Variants in TRPV4 observed in about 807,000 individuals in gnomAD.
The protein encoded by TRPV4 is OSM9-like transient receptor potential channel 4.
In TRPV4, 58 loss-of-function variants were observed where a neutral mutation model predicts 84.1. That is an observed-to-expected ratio of 0.69 (90% CI 0.56 to 0.86). The LOEUF (loss-of-function observed/expected upper bound fraction) is 0.86. TRPV4 is among the 40% of genes least tolerant of loss of function. The pLI is 0.00. For synonymous variants in TRPV4, 489 were observed against 500.9 expected, an observed-to-expected ratio of 0.98 and a Z score of 0.32; for missense variants, 879 against 1,181.1, an observed-to-expected ratio of 0.74 and a Z score of 3.75.
At chr12:109,797,412 C>T (rs1050249537) in intron 6 of TRPV4, among the ~76,000 whole-genome samples, 1 of 152,100 alleles carries the variant, frequency 6.6e-6, no homozygotes, top group African/African-American at 2.4e-5. Flanking sequence ...CCTCGGCCTC[C>T]CAAAGTGCTG....
chr12:109,814,615 C>T lies in TRPV4; in HGVS notation c.182G>A (p.Gly61Asp). The change falls in exon 2 of 16, where the codon GGC (glycine) becomes GAC (aspartate). Residue 61 changes from glycine to aspartate, a missense_variant. Coordinates refer to ENST00000261740, the MANE Select transcript of TRPV4 (RefSeq NM_021625.5). This position sits in a 1 kb window ranked among gnomAD's most constrained non-coding sequence, Gnocchi z 5.4. ...PADASRPAGP[G>D]DGRPNLRMKF... ...CATGCGCAGATTTGGTCGCCCATCG[C>T]CTGGGCCAGCAGGGCGACTGGCATC... 6.2e-7 allele frequency: 1 copy of T among 1,614,040 alleles called. No individual in the cohort carries two copies. The highest frequency in any genetic ancestry group is 8.5e-7 in the Non-Finnish European group (1 of 1,180,002).
rs2136515399 is a variant in TRPV4, at chr12:109,798,430, A to G, written c.1152+184T>C. Among the ~76,000 whole-genome samples, 1 of 152,258 alleles carries G rather than the reference A, an allele frequency of 6.6e-6. No homozygotes were observed. Among genetic ancestry groups the G allele is most frequent in the Admixed American group, 6.5e-5 (1 of 15,274 alleles). ...AGGCGAGAGGCTCGGGGATGAAGCT[A>G]AGGAGCTTGGCTGGACACTAGGGAG... On this transcript the variant is annotated intron_variant, in intron 6 of 15. Transcript: ENST00000261740. The surrounding 1 kb of genome is among the most constrained non-coding windows in gnomAD (Gnocchi z 5.0).
chr12:109,788,484 C>T lies in TRPV4; in HGVS notation c.2124G>A (p.Val708=). ...GGGCAATGAGCATGTTGAGGAGCAGCACAAAGGTGAGGATGATGTAGGTCA... is the reference window on the plus strand; with the variant it reads ...GGGCAATGAGCATGTTGAGGAGCAGTACAAAGGTGAGGATGATGTAGGTCA... ...LLVTYIILTF[V]LLLNMLIALM... is the part of the protein sequence containing the mutation. Residue 708 remains valine, a synonymous_variant, in exon 13 of 16, where the codon GTG becomes GTA. Transcript: ENST00000261740. The T allele has an allele frequency of 6.2e-7, 1 of 1,614,216 alleles. No homozygotes were observed. The highest frequency in any genetic ancestry group is 1.1e-5 in the South Asian group (1 of 91,086).
At position 109,800,602 on chromosome 12, in the gene TRPV4, C is replaced by T. The variant is rs975631193; in HGVS notation, c.853+16G>A. 3 of 1,614,010 alleles carry T rather than the reference C, an allele frequency of 1.9e-6. No individual in the cohort carries two copies. The highest frequency in any genetic ancestry group is 2.2e-5 in the East Asian group (1 of 44,894). ...TTCTCCAGCATGCTGTCAGCCCCCA[C>T]CAGGCCCCTCCTTACCAAAGTAGAA... is the stretch of plus-strand genomic sequence containing the variant. On this transcript the variant is annotated intron_variant, in intron 5 of 15. Transcript: ENST00000261740.
In TRPV4 at chr12:109,788,516, G is replaced by A. The variant is rs774321681; in HGVS notation, c.2092C>T (p.Leu698=). 8.7e-6 allele frequency: 14 copies of A among 1,614,152 alleles called. No homozygotes were observed. The highest frequency in any genetic ancestry group is 1.2e-5 in the Non-Finnish European group (14 of 1,180,058). The part of the protein sequence containing the change: ...STKYPVVFII[L]LVTYIILTFV... ...GTGAGGATGATGTAGGTCACCAGCA[G>A]GATGATGAAGACCACGGGGTACTTG... The change falls in exon 13 of 16, where the codon CTG becomes TTG. Residue 698 remains leucine (L), a synonymous_variant. Transcript: ENST00000261740.
chr12:109,797,177 A>T (rs1325493858), intron 6 of TRPV4, among the ~76,000 whole-genome samples: 5 of 151,878 alleles, frequency 3.3e-5, no homozygotes, highest in Admixed American at 6.6e-5. Context: ...TTTGAGACAG[A>T]GTCTCTCTCT....
intron 4 of TRPV4, 78 bp from the exon 5 acceptor site, chr12:109,800,836 G>A (rs1890737662): frequency 1.1e-6 from 1 of 872,822 alleles, no homozygotes; most frequent in Non-Finnish European, 1.7e-6. Context: ...GGGGTAGGGT[G>A]CAGGACGTAG....
rs1378488794 is a variant in TRPV4, at chr12:109,803,003, T to C, written c.700A>G (p.Ile234Val). The C allele has an allele frequency of 1.9e-6, 3 of 1,614,004 alleles. No homozygotes were observed. Among genetic ancestry groups the C allele is most frequent in the East Asian group, 2.2e-5 (1 of 44,876 alleles). Residue 234 changes from isoleucine to valine, a missense_variant, in exon 4 of 16, where the codon ATC (isoleucine) becomes GTC (valine). Around this residue, in one of 4 missense-constraint regions of TRPV4, gnomAD observed 521 missense variants for 686.6 expected, o/e 0.76. Transcript: ENST00000261740. ...CCCGGGGCCCCACCTCGATAGTAGA[T>C]GTCACGGAAGGGCGAGTTAATGAAC... ...REFINSPFRD[I>V]YYRGQTALHI...
intron 1 of TRPV4, among the ~76,000 whole-genome samples, chr12:109,827,395 A>G (rs1892282860): frequency 6.6e-6 from 1 of 151,864 alleles, no homozygotes; most frequent in Non-Finnish European, 1.5e-5. Flanking sequence ...TCCTTCATTC[A>G]TCCCTTCACT....
Position 109,796,554 on chromosome 12 carries a change from C to G in TRPV4, c.1303G>C (p.Glu435Gln). 1 of 1,614,180 alleles carries G rather than the reference C, an allele frequency of 6.2e-7. No homozygotes were observed. The highest frequency in any genetic ancestry group is 8.5e-7 in the Non-Finnish European group (1 of 1,180,028). The stretch of plus-strand genomic sequence containing the variant: ...ATCTTGCTGTTGTACACCAGGATCT[C>G]CAGCACGGAGGCCTCTTCCCCACAC... ...DTCGEEASVL[E>Q]ILVYNSKIEN... Residue 435 changes from glutamate to glutamine, a missense_variant, in exon 7 of 16, where the codon GAG (glutamate) becomes CAG (glutamine). Glu to Gln is a conservative substitution (Grantham distance 29). Coordinates refer to ENST00000261740, the MANE Select transcript of TRPV4 (RefSeq NM_021625.5). The surrounding 1 kb of genome is among the most constrained non-coding windows in gnomAD (Gnocchi z 4.2).
chr12:109,807,037 G>C (rs771423975), intron 3 of TRPV4, among the ~76,000 whole-genome samples: 1 of 152,116 alleles, frequency 6.6e-6, no homozygotes, highest in Non-Finnish European at 1.5e-5. Flanking sequence ...AGCACTTCGG[G>C]AGGCCAAGGC....
chr12:109,798,651 G>T lies in TRPV4; in HGVS notation c.1115C>A (p.Ser372Ter). 6.2e-7 allele frequency: 1 copy of T among 1,612,994 alleles called. No individual in the cohort carries two copies. The highest frequency in any genetic ancestry group is 8.5e-7 in the Non-Finnish European group (1 of 1,180,038). Residue 372 changes from serine to a stop codon, truncating the protein, a stop_gained, in exon 6 of 16, where the codon TCG becomes TAG. Coordinates refer to ENST00000261740, the MANE Select transcript of TRPV4 (RefSeq NM_021625.5). LOFTEE classifies it high-confidence loss of function. This position sits in a 1 kb window ranked among gnomAD's most constrained non-coding sequence, Gnocchi z 5.0. ...LEAVLNNDGL[S>*]PLMMAAKTGK... The stretch of plus-strand genomic sequence containing the variant: ...CGTCTTGGCAGCCATCATGAGGGGC[G>T]AGAGGCCGTCGTTGTTGAGCACGGC...
At chr12:109,801,913 GA>G (rs1384468175) in intron 4 of TRPV4, among the ~76,000 whole-genome samples, 1 of 152,146 alleles carries the variant, frequency 6.6e-6, no homozygotes, top group African/African-American at 2.4e-5. Context: ...CATGGATTTT[GA>G]ATCTTAATAT....
At chr12:109,826,085 AC>A (rs1892245141) in intron 1 of TRPV4, among the ~76,000 whole-genome samples, 2 of 152,268 alleles carry the variant, frequency 1.3e-5, no homozygotes, top group African/African-American at 4.8e-5. Context: ...GTGCAGTGGC[AC>A]AATCATAGCT....
At chr12:109,801,632 G>A (rs12302358) in intron 4 of TRPV4, among the ~76,000 whole-genome samples, 18,215 of 152,032 alleles carry the variant, frequency 0.12, 1,459 homozygotes, top group African/African-American at 0.22. Flanking sequence ...ATGAGAACGG[G>A]CTAATACAAC....
intron 3 of TRPV4, among the ~76,000 whole-genome samples, chr12:109,806,977 TAAA>T (rs1456819125): frequency 6.6e-6 from 1 of 151,498 alleles, no homozygotes; most frequent in African/African-American, 2.4e-5. Flanking sequence ...ACTGAAGTCT[TAAA>T]AAATGTCCTC....
In TRPV4 at chr12:109,809,293, C is replaced by A. The variant is rs1891362248; in HGVS notation, c.387-825G>T. Reference sequence around the variant, plus strand: ...ACTACCCGCCCATCCATCCATCCACCTACCCGCCCATCCATCCATCCATCC... The same window carrying A: ...ACTACCCGCCCATCCATCCATCCACATACCCGCCCATCCATCCATCCATCC... On this transcript the variant is annotated intron_variant, in intron 2 of 15. Coordinates refer to ENST00000261740, the MANE Select transcript of TRPV4 (RefSeq NM_021625.5). 2.0e-5 allele frequency among the ~76,000 whole-genome samples: 3 copies of A among 150,674 alleles called. No homozygotes were observed. The South Asian group carries it at 6.3e-4, about 32-fold the overall frequency.
chr12:109,801,026 C>A lies in TRPV4; in HGVS notation c.713-268G>T, dbSNP rs148856734. ...AGATTCATAAGATGCTTTAAAAATC[C>A]TAGAGGAGGCCAGGCGCAGGCTCAC... On this transcript the variant is annotated intron_variant, in intron 4 of 15. Coordinates refer to ENST00000261740, the MANE Select transcript of TRPV4 (RefSeq NM_021625.5). Among the ~76,000 whole-genome samples, 391 of 152,290 alleles carry A rather than the reference C, an allele frequency of 2.6e-3. 1 individual carries two copies. Among genetic ancestry groups the A allele is most frequent in the African/African-American group, 9.1e-3 (379 of 41,554 alleles).
intron 2 of TRPV4, among the ~76,000 whole-genome samples, chr12:109,813,008 GATGT>G: frequency 6.6e-6 from 1 of 151,562 alleles, no homozygotes; most frequent in African/African-American, 2.4e-5. Flanking sequence ...TGGATGAACA[GATGT>G]ATAAATAAGA....
Sources: gnomAD v4.1 joint callset for allele counts (sites outside exome capture counted in the v4.1 genomes callset) on GRCh38, gnomAD v4.1.1 for gene constraint, gnomAD v4.1.1 regional missense constraint, Gnocchi (gnomAD v3.1) non-coding constraint, MANE v1.5 for transcripts, NCBI Gene and HGNC (gene_info 2026-07-23, HGNC 2026-07-21) for gene names.